Variants in RAB37 observed in about 807,000 individuals in gnomAD.
RAB37 encodes the protein RAB37, member RAS oncogene family.
RAB37 carries 29 observed loss-of-function variants against 33.1 expected under a neutral mutation model. The ratio of observed to expected loss-of-function variants is 0.88; its 90% confidence interval spans 0.65 to 1.20. The LOEUF (loss-of-function observed/expected upper bound fraction) is 1.20, where lower values mean the gene tolerates loss of function less well. Among genes scored for constraint, RAB37 ranks in the 50% most tolerant of loss-of-function variants. RAB37 has a pLI of 0.00. For missense variants in RAB37, 299 were observed against 301.1 expected, an observed-to-expected ratio of 0.99 and a Z score of 0.05; for synonymous variants, 128 against 119.5, an observed-to-expected ratio of 1.07 and a Z score of -0.47.
rs2034784667 is a variant in RAB37, at chr17:74,747,334, C to T, written c.*1923C>T. 7.1e-6 allele frequency: 1 copy of T among 139,994 alleles called. No individual in the cohort carries two copies. The highest frequency in any genetic ancestry group is 7.4e-5 in the Admixed American group (1 of 13,476). 8.7% of individuals were successfully genotyped at this position (139,994 alleles called of 1,614,324 possible). On this transcript the variant is annotated 3_prime_UTR_variant, in exon 9 of 9. Coordinates refer to ENST00000392613, the MANE Select transcript of RAB37 (RefSeq NM_001006638.3). The stretch of plus-strand genomic sequence containing the variant: ...AATTAAACTGCAGTATTTTGGAAAG[C>T]ACATCCTGTCCACTGTTTCTTTGAA...
intron 1 of RAB37, among the ~76,000 whole-genome samples, chr17:74,709,117 G>C (rs888990548): frequency 1.3e-4 from 20 of 150,048 alleles, no homozygotes; most frequent in East Asian, 7.9e-4. Context: ...CCAGCTGCTC[G>C]GGAGGCTGAG....
intron 1 of RAB37, among the ~76,000 whole-genome samples, chr17:74,700,103 C>T (rs1256736350): frequency 2.0e-5 from 3 of 151,830 alleles, no homozygotes; most frequent in African/African-American, 7.3e-5. Flanking sequence ...GATCGCGCCA[C>T]TGCACTCCAG....
At position 74,744,342 on chromosome 17, in the gene RAB37, GGGACGT is replaced by G. The variant is rs2034695735; in HGVS notation, c.404_409del (p.Asp135_Val136del). ...ACTGAGATTCATGAGTATGCCCAGA[GGGACGT>G]GGTGATCATGCTGCTAGGCAACAAG... On this transcript the variant is annotated inframe_deletion, in exon 6 of 9. Coordinates refer to ENST00000392613, the MANE Select transcript of RAB37 (RefSeq NM_001006638.3). The surrounding 1 kb of genome is among the most constrained non-coding windows in gnomAD (Gnocchi z 4.2). 1.9e-6 allele frequency: 3 copies of G among 1,614,098 alleles called. No homozygotes were observed. The highest frequency in any genetic ancestry group is 2.5e-6 in the Non-Finnish European group (3 of 1,180,006).
intron 1 of RAB37, chr17:74,695,588 C>A: frequency 7.9e-7 from 1 of 1,271,262 alleles, no homozygotes; most frequent in Non-Finnish European, 1.1e-6. Context: ...GCGAGTCCTG[C>A]AGTGACTATG....
intron 1 of RAB37, among the ~76,000 whole-genome samples, chr17:74,690,655 A>G (rs899876721): frequency 6.6e-6 from 1 of 151,844 alleles, no homozygotes; most frequent in South Asian, 2.1e-4. Context: ...AGCACTCTAA[A>G]CTCTAGCTCA....
In RAB37 at chr17:74,737,351, G is replaced by T. The variant is rs2034502228; in HGVS notation, c.79G>T (p.Asp27Tyr). The T allele has an allele frequency of 1.9e-6, 3 of 1,574,536 alleles. No homozygotes were observed. Among genetic ancestry groups the T allele is most frequent in the East Asian group, 2.3e-5 (1 of 43,892 alleles). The change falls in exon 1 of 9, where the codon GAC (aspartate) becomes TAC (tyrosine). Residue 27 changes from aspartate (D) to tyrosine (Y), a missense_variant. Transcript: ENST00000392613. ...ERSPPCSPSY[D>Y]LTGKVMLLGD... ...CTCCCCGCCCTGCAGTCCGAGCTAC[G>T]ACCTCACGGGCAAGGTGGGTGGGCC...
upstream of RAB37, among the ~76,000 whole-genome samples, chr17:74,733,023 G>A (rs556139117): frequency 3.9e-5 from 6 of 152,114 alleles, no homozygotes; most frequent in South Asian, 2.1e-4. Flanking sequence ...GAGGTGTTGG[G>A]GGTCATTTAT....
At chr17:74,704,852 C>T (rs1340467232) in intron 1 of RAB37, 2 of 1,534,740 alleles carry the variant, frequency 1.3e-6, no homozygotes, top group Non-Finnish European at 8.9e-7. Context: ...TCACCTCCCA[C>T]CCCAAGGGCA....
intron 1 of RAB37, among the ~76,000 whole-genome samples, chr17:74,678,202 A>G (rs1257086806): frequency 6.6e-6 from 1 of 152,156 alleles, no homozygotes; most frequent in Non-Finnish European, 1.5e-5. Flanking sequence ...TCACTCAGGC[A>G]ATGTAGTTCC....
intron 1 of RAB37, among the ~76,000 whole-genome samples, chr17:74,727,230 C>T (rs930145694): frequency 2.0e-5 from 3 of 152,238 alleles, no homozygotes; most frequent in South Asian, 4.1e-4. Flanking sequence ...TTTTGGGGCT[C>T]TCCCACACAG....
chr17:74,695,932 C>T (rs908660214), intron 1 of RAB37: 13 of 1,532,564 alleles, frequency 8.5e-6, no homozygotes, highest in Admixed American at 7.5e-5. Context: ...CACGGTGGGA[C>T]GGGACGAGAG....
At chr17:74,735,073 GA>G (rs1312536420), upstream of RAB37, among the ~76,000 whole-genome samples, 115 of 132,062 alleles carry the variant, frequency 8.7e-4, no homozygotes, top group African/African-American at 3.7e-3. Flanking sequence ...GAAAGAAAGG[GA>G]AAAGAAGGAA....
chr17:74,706,352 T>C (rs546081183), intron 1 of RAB37, among the ~76,000 whole-genome samples: 4 of 151,080 alleles, frequency 2.6e-5, no homozygotes, highest in African/African-American at 9.7e-5. Flanking sequence ...CCTTTTTTTT[T>C]TTTTTAAGTA....
In RAB37 at chr17:74,744,431, C is replaced by T. The variant is rs766821886; in HGVS notation, c.432+58C>T. The T allele has an allele frequency of 1.4e-4, 205 of 1,501,862 alleles. No homozygotes were observed. The highest frequency in any genetic ancestry group is 1.8e-4 in the Non-Finnish European group (192 of 1,078,272). 93.0% of individuals were successfully genotyped at this position (1,501,862 alleles called of 1,614,324 possible). A position where few individuals can be genotyped will look rare whatever the true frequency, so the allele number is the denominator to read the frequency against. On this transcript the variant is annotated intron_variant, in intron 6 of 8. Transcript: ENST00000392613. This position sits in a 1 kb window ranked among gnomAD's most constrained non-coding sequence, Gnocchi z 4.2. ...CTGCACTTCCTCAGCCCTAGCCGGC[C>T]CCATAACCACCCAAGAACAGTTATC...
intron 1 of RAB37, among the ~76,000 whole-genome samples, chr17:74,686,435 G>T (rs2143490744): frequency 6.6e-6 from 1 of 152,050 alleles, no homozygotes; most frequent in Admixed American, 6.5e-5. Context: ...CTGTTGCCCA[G>T]GCTGGAGTAC....
chr17:74,698,680 GAAC>G, intron 1 of RAB37: 1 of 1,353,298 alleles, frequency 7.4e-7, no homozygotes, highest in Non-Finnish European at 9.7e-7. Context: ...GAAGGGAATG[GAAC>G]AAGAGACACC....
At chr17:74,739,961 A>C (rs1482778264) in intron 1 of RAB37, among the ~76,000 whole-genome samples, 1 of 151,648 alleles carries the variant, frequency 6.6e-6, no homozygotes, top group Non-Finnish European at 1.5e-5. Context: ...GTTCAAGACC[A>C]GCCTGGCCAA....
At chr17:74,714,407 A>ACACG in intron 1 of RAB37, among the ~76,000 whole-genome samples, 1 of 150,280 alleles carries the variant, frequency 6.7e-6, no homozygotes, top group South Asian at 2.1e-4. Context: ...ACACACACAC[A>ACACG]CACACACACA....
chr17:74,671,472 C>A lies in RAB37; in HGVS notation c.-115C>A. On this transcript the variant is annotated 5_prime_UTR_variant, in exon 1 of 8. Coordinates refer to the RAB37 transcript ENST00000340415. The surrounding 1 kb of genome is among the most constrained non-coding windows in gnomAD (Gnocchi z 5.0). Reference sequence around the variant, plus strand: ...GTCCAGTGCTGAAAACGGATGCGGCCCGGCCCGCAGAGCTCAGACCCAAGC... The same window carrying A: ...GTCCAGTGCTGAAAACGGATGCGGCACGGCCCGCAGAGCTCAGACCCAAGC... 1 of 967,974 alleles carries A rather than the reference C, an allele frequency of 1.0e-6. No homozygotes were observed. Among genetic ancestry groups the A allele is most frequent in the Non-Finnish European group, 1.6e-6 (1 of 633,632 alleles). 60.0% of individuals were successfully genotyped at this position (967,974 alleles called of 1,614,324 possible). A position where few individuals can be genotyped will look rare whatever the true frequency, so the allele number is the denominator to read the frequency against.
Sources: gnomAD v4.1 joint callset for allele counts (sites outside exome capture counted in the v4.1 genomes callset) on GRCh38, gnomAD v4.1.1 for gene constraint, Gnocchi (gnomAD v3.1) non-coding constraint, MANE v1.5 for transcripts, NCBI Gene and HGNC (gene_info 2026-07-23, HGNC 2026-07-21) for gene names.